Variants in SMYD3 observed in about 807,000 individuals in gnomAD.
The protein encoded by SMYD3 is SET and MYND domain containing 3.
SMYD3 carries 36 observed loss-of-function variants against 57.7 expected under a neutral mutation model. That is an observed-to-expected ratio of 0.62 (90% CI 0.48 to 0.82). The LOEUF (loss-of-function observed/expected upper bound fraction) is 0.82. Ranked by LOEUF, SMYD3 falls within the 40% of genes least tolerant of loss-of-function variation. The pLI is 0.00. For missense variants in SMYD3, 515 were observed against 538.8 expected, an observed-to-expected ratio of 0.96 and a Z score of 0.44; for synonymous variants, 211 against 195.0, an observed-to-expected ratio of 1.08 and a Z score of -0.68.
intron 8 of SMYD3, among the ~76,000 whole-genome samples, chr1:245,914,149 GGCAAAAACT>G (rs2055225685): frequency 1.3e-5 from 2 of 152,260 alleles, no homozygotes; most frequent in South Asian, 4.2e-4. Context: ...TACTTTTAAT[GGCAAAAACT>G]GCAATAACTT....
intron 1 of SMYD3, among the ~76,000 whole-genome samples, chr1:246,505,403 T>C (rs1204418548): frequency 6.7e-6 from 1 of 149,662 alleles, no homozygotes; most frequent in Non-Finnish European, 1.5e-5. Flanking sequence ...AGAGAATCAC[T>C]CTCCAGCAAC....
At chr1:246,029,298 AC>A (rs2059626515) in intron 5 of SMYD3, among the ~76,000 whole-genome samples, 1 of 152,228 alleles carries the variant, frequency 6.6e-6, no homozygotes, top group Admixed American at 6.5e-5. Context: ...TTTGCAAATT[AC>A]ATGTTCAGCA....
chr1:246,169,141 A>G (rs1054218947), intron 5 of SMYD3, among the ~76,000 whole-genome samples: 3 of 152,090 alleles, frequency 2.0e-5, no homozygotes, highest in African/African-American at 7.2e-5. Context: ...CACCTACACC[A>G]AATTTAAACC....
intron 1 of SMYD3, among the ~76,000 whole-genome samples, chr1:246,377,461 C>G (rs1879439): frequency 0.16 from 23,731 of 151,338 alleles, 2,126 homozygotes; most frequent in East Asian, 0.3. Context: ...ACTCCGCCTC[C>G]CGGGTTCAAG....
chr1:245,914,198 G>A (rs1045200389), intron 8 of SMYD3, among the ~76,000 whole-genome samples: 2 of 152,158 alleles, frequency 1.3e-5, no homozygotes, highest in East Asian at 3.8e-4. Context: ...TAGCCATTAT[G>A]GAAAACAGCA....
chr1:246,230,204 C>T lies in SMYD3; in HGVS notation c.531+96997G>A, dbSNP rs184033925. Among the ~76,000 whole-genome samples, 277 of 152,276 alleles carry T rather than the reference C, an allele frequency of 1.8e-3. 4 individuals are homozygous for T. Among genetic ancestry groups the T allele is most frequent in the Admixed American group, 0.016 (241 of 15,288 alleles). On this transcript the variant is annotated intron_variant, in intron 5 of 11. Coordinates refer to ENST00000490107, the MANE Select transcript of SMYD3 (RefSeq NM_001167740.2). ...ACTACATGCTATTCTGTATATAATG[C>T]TCCACATGTTTACAATTGCTCCAAG...
chr1:246,367,616 G>A (rs2066128283), intron 1 of SMYD3, among the ~76,000 whole-genome samples: 1 of 152,104 alleles, frequency 6.6e-6, no homozygotes, highest in African/African-American at 2.4e-5. Flanking sequence ...TATTTTAGTA[G>A]AGATGGGGTT....
At chr1:246,143,126 T>TACACACAC (rs370332515) in intron 5 of SMYD3, among the ~76,000 whole-genome samples, 2,335 of 146,068 alleles carry the variant, frequency 0.016, 22 homozygotes, top group Middle Eastern at 0.042. Flanking sequence ...GTATATTTAA[T>TACACACAC]ACACACACAC....
chr1:246,382,278 C>T (rs917993957), intron 1 of SMYD3, among the ~76,000 whole-genome samples: 6 of 152,138 alleles, frequency 3.9e-5, no homozygotes, highest in Admixed American at 1.3e-4. Flanking sequence ...ACTCAGCCTC[C>T]GGGCCCAGTC....
At chr1:245,810,802 T>A (rs111580939) in intron 10 of SMYD3, among the ~76,000 whole-genome samples, 43 of 152,040 alleles carry the variant, frequency 2.8e-4, no homozygotes, top group African/African-American at 1.0e-3. Context: ...CAACAGCAAA[T>A]TGAAATATGG....
Position 246,484,040 on chromosome 1 carries a change from A to G in SMYD3, c.164+23014T>C, listed in dbSNP as rs564731021. Reference sequence around the variant, plus strand: ...CTAAACCATTGCACTAGTTACACCTAAAAACACATCACTTCAACCAAAATA... The same window carrying G: ...CTAAACCATTGCACTAGTTACACCTGAAAACACATCACTTCAACCAAAATA... On this transcript the variant is annotated intron_variant, in intron 1 of 11. Transcript: ENST00000490107. 1.8e-3 allele frequency among the ~76,000 whole-genome samples: 236 copies of G among 130,656 alleles called. 1 individual carries two copies. Among genetic ancestry groups the G allele is most frequent in the Non-Finnish European group, 2.8e-3 (173 of 62,834 alleles). The allele number at this position is 130,656 out of a possible 152,430, so 85.7% of individuals were successfully genotyped here. A position where few individuals can be genotyped will look rare whatever the true frequency, so the allele number is the denominator to read the frequency against.
At chr1:246,253,019 T>C (rs2063820949) in intron 5 of SMYD3, among the ~76,000 whole-genome samples, 1 of 152,202 alleles carries the variant, frequency 6.6e-6, no homozygotes. Flanking sequence ...TGATATGTTA[T>C]TTGACATTTC....
At chr1:246,442,566 T>TA (rs1256108863) in intron 1 of SMYD3, among the ~76,000 whole-genome samples, 2 of 149,066 alleles carry the variant, frequency 1.3e-5, no homozygotes, top group African/African-American at 4.9e-5. Context: ...AATAAAATAA[T>TA]AAAAAAAGAC....
intron 2 of SMYD3, among the ~76,000 whole-genome samples, chr1:246,346,069 G>A (rs1046244652): frequency 9.2e-5 from 14 of 152,276 alleles, no homozygotes; most frequent in Middle Eastern, 3.4e-3. Flanking sequence ...TGGATCAAGA[G>A]GTCAGGAGAT....
intron 8 of SMYD3, among the ~76,000 whole-genome samples, chr1:245,905,471 G>A (rs1032144775): frequency 2.6e-5 from 4 of 152,258 alleles, no homozygotes; most frequent in Non-Finnish European, 5.9e-5. Flanking sequence ...GGTAAAGGTG[G>A]CTGCGGGGTG....
At chr1:246,042,470 C>G (rs2059894874) in intron 5 of SMYD3, among the ~76,000 whole-genome samples, 1 of 152,150 alleles carries the variant, frequency 6.6e-6, no homozygotes, top group African/African-American at 2.4e-5. Context: ...GTTCACACTC[C>G]AAGCCACGGA....
intron 5 of SMYD3, among the ~76,000 whole-genome samples, chr1:246,197,036 G>A (rs1372338927): frequency 6.6e-6 from 1 of 151,640 alleles, no homozygotes; most frequent in African/African-American, 2.4e-5. Context: ...TATGTCAAAC[G>A]GACACAGAAA....
At chr1:246,386,126 G>A (rs749513781) in intron 1 of SMYD3, among the ~76,000 whole-genome samples, 1 of 152,156 alleles carries the variant, frequency 6.6e-6, no homozygotes, top group Non-Finnish European at 1.5e-5. Context: ...CTGACCTCGT[G>A]ATCCATCCGC....
intron 5 of SMYD3, among the ~76,000 whole-genome samples, chr1:246,117,983 G>C (rs952966772): frequency 6.6e-6 from 1 of 152,102 alleles, no homozygotes; most frequent in Admixed American, 6.5e-5. Flanking sequence ...ATAGGTCCTA[G>C]GAGGCAAAGA....
Sources: allele counts gnomAD v4.1 joint callset (sites outside exome capture counted in the v4.1 genomes callset), GRCh38; gene constraint gnomAD v4.1.1; transcripts MANE v1.5; gene names NCBI Gene and HGNC (gene_info 2026-07-23, HGNC 2026-07-21).